The following YWHAQ variants were observed in gnomAD, a reference collection of about 807,000 sequenced individuals.
YWHAQ encodes 14-3-3 protein theta.
A neutral mutation model predicts 28.3 loss-of-function variants in YWHAQ; 6 were observed. The observed-to-expected ratio is 0.21, with a 90% CI of 0.12 to 0.42. The LOEUF (loss-of-function observed/expected upper bound fraction) is 0.42, where lower values mean the gene tolerates loss of function less well. Ranked by LOEUF, YWHAQ falls within the 10% of genes least tolerant of loss-of-function variation. The probability of loss-of-function intolerance (pLI) is 1.00; values close to 1 mark genes in which losing one functional copy is unlikely to be tolerated. For missense variants in YWHAQ, 201 were observed against 305.6 expected, an observed-to-expected ratio of 0.66 and a Z score of 2.55; for synonymous variants, 143 against 119.1, an observed-to-expected ratio of 1.20 and a Z score of -1.31.
intron 2 of YWHAQ, among the ~76,000 whole-genome samples, chr2:9,629,871 A>G (rs894533232): frequency 9.2e-5 from 14 of 152,318 alleles, no homozygotes; most frequent in African/African-American, 3.4e-4. Context: ...CAAGAAACTT[A>G]AAAACGCCTT....
chr2:9,608,899 C>T (rs1666890244), intron 2 of YWHAQ, among the ~76,000 whole-genome samples: 1 of 152,100 alleles, frequency 6.6e-6, no homozygotes, highest in South Asian at 2.1e-4. Context: ...TGAGATTGTA[C>T]CACTGCACTC....
chr2:9,623,593 G>A (rs1264287410), intron 2 of YWHAQ, among the ~76,000 whole-genome samples: 1 of 152,082 alleles, frequency 6.6e-6, no homozygotes, highest in East Asian at 1.9e-4. Context: ...GACCAACACG[G>A]AGAAACCTCG....
intron 2 of YWHAQ, among the ~76,000 whole-genome samples, chr2:9,610,127 TATTG>T (rs1202734109): frequency 1.3e-5 from 2 of 152,208 alleles, no homozygotes; most frequent in African/African-American, 4.8e-5. Context: ...ACAACTGAAG[TATTG>T]ATTATTTGCT....
chr2:9,617,122 G>T (rs897260649), intron 2 of YWHAQ, among the ~76,000 whole-genome samples: 1 of 146,518 alleles, frequency 6.8e-6, no homozygotes, highest in African/African-American at 2.5e-5. Flanking sequence ...CACTACGCCC[G>T]GCTAATTTTT....
intron 2 of YWHAQ, among the ~76,000 whole-genome samples, chr2:9,624,562 C>A (rs998938683): frequency 6.6e-6 from 1 of 152,054 alleles, no homozygotes; most frequent in Non-Finnish European, 1.5e-5. Flanking sequence ...GTCCTGTGCA[C>A]CGCATGATGT....
chr2:9,591,482 T>G lies in YWHAQ; in HGVS notation c.328A>C (p.Thr110Pro). The G allele has an allele frequency of 6.2e-7, 1 of 1,610,770 alleles. No individual in the cohort carries two copies. The highest frequency in any genetic ancestry group is 1.1e-5 in the South Asian group (1 of 90,808). ...TAGAAGACCTTACTCTCTGGATTAG[T>G]TGCATTGGCTATTAAATATTTATCC... is the stretch of plus-strand genomic sequence containing the variant. ...LLDKYLIANA[T>P]NPESKVFYLK... is the part of the protein sequence containing the mutation. Residue 110 changes from threonine to proline, a missense_variant, in exon 3 of 6, where the codon ACT (threonine) becomes CCT (proline). Coordinates refer to ENST00000238081, the MANE Select transcript of YWHAQ (RefSeq NM_006826.4).
intron 2 of YWHAQ, among the ~76,000 whole-genome samples, chr2:9,607,711 CTT>C (rs34963513): frequency 2.1e-4 from 27 of 128,602 alleles, no homozygotes; most frequent in East Asian, 2.1e-4. Flanking sequence ...AATTCTTCCT[CTT>C]TTTTTTTTTT....
rs746966183 is a variant in YWHAQ at position 9,630,263 on chromosome 2, T to C, written c.190A>G (p.Ser64Gly). ...GAGGTGTCGGTCTTCTGCTCGATGC[T>C]AGAGATGACCCTCCAGGCGGACCTG... ...GRRSAWRVIS[S>G]IEQKTDTSDK... The change falls in exon 2 of 6, where the codon AGC becomes GGC. Residue 64 changes from serine to glycine, a missense_variant. Transcript: ENST00000238081. This position sits in a 1 kb window ranked among gnomAD's most constrained non-coding sequence, Gnocchi z 5.6. 73 of 1,614,052 alleles carry C rather than the reference T, an allele frequency of 4.5e-5. No individual in the cohort carries two copies. The highest frequency in any genetic ancestry group is 5.9e-5 in the Non-Finnish European group (70 of 1,180,046).
At chr2:9,620,362 T>G (rs1317395842) in intron 2 of YWHAQ, among the ~76,000 whole-genome samples, 2 of 152,228 alleles carry the variant, frequency 1.3e-5, no homozygotes, top group African/African-American at 4.8e-5. Context: ...CTCATCTGGA[T>G]AGAAAAACAT....
chr2:9,630,516 G>A lies in YWHAQ; in HGVS notation c.-64C>T, dbSNP rs561528893. On this transcript the variant is annotated 5_prime_UTR_variant, in exon 2 of 6. Transcript: ENST00000238081. The surrounding 1 kb of genome is among the most constrained non-coding windows in gnomAD (Gnocchi z 5.6). ...GAGCGAGGGCGAGCGCCGACCCGCA[G>A]CGGGAGGAGCCTCGAGAGCTGCGGA... 167 of 1,448,602 alleles carry A rather than the reference G, an allele frequency of 1.2e-4. No individual in the cohort carries two copies. The African/African-American group carries it at 2.0e-3, about 17-fold the overall frequency. 89.7% of individuals were successfully genotyped at this position (1,448,602 alleles called of 1,614,324 possible).
intron 2 of YWHAQ, among the ~76,000 whole-genome samples, chr2:9,608,181 C>T (rs896809803): frequency 6.6e-6 from 1 of 152,118 alleles, no homozygotes; most frequent in African/African-American, 2.4e-5. Flanking sequence ...CGGAGAATAC[C>T]TCCCTCTTCT....
chr2:9,605,537 T>C (rs1435230370), intron 2 of YWHAQ, among the ~76,000 whole-genome samples: 1 of 152,182 alleles, frequency 6.6e-6, no homozygotes, highest in African/African-American at 2.4e-5. Flanking sequence ...CATCATTTAC[T>C]AGTTTCTTGT....
chr2:9,588,632 G>A (rs1193559934), intron 3 of YWHAQ, among the ~76,000 whole-genome samples: 9 of 152,134 alleles, frequency 5.9e-5, no homozygotes, highest in East Asian at 1.9e-4. Context: ...TTAGCCAGGC[G>A]TGATGGCGGG....
Position 9,587,389 on chromosome 2 carries a change from AAAATT to A in YWHAQ, c.678+20_678+24del, listed in dbSNP as rs1283258081. ...ATACTTTTGTTTCTGAAAAGAAAAT[AAAATT>A]AAAAGAGTAAACAACTCACTGTTAG... On this transcript the variant is annotated intron_variant, in intron 5 of 5. Coordinates refer to ENST00000238081, the MANE Select transcript of YWHAQ (RefSeq NM_006826.4). The A allele has an allele frequency of 1.9e-6, 3 of 1,574,810 alleles. No individual in the cohort carries two copies.
intron 2 of YWHAQ, among the ~76,000 whole-genome samples, chr2:9,602,968 C>A (rs891066898): frequency 3.4e-4 from 48 of 142,124 alleles, no homozygotes; most frequent in Non-Finnish European, 6.9e-4. Flanking sequence ...AGTGATCCTC[C>A]TGCTTCGGCC....
intron 2 of YWHAQ, among the ~76,000 whole-genome samples, chr2:9,612,451 C>T (rs1336214188): frequency 6.6e-6 from 1 of 152,182 alleles, no homozygotes; most frequent in Non-Finnish European, 1.5e-5. Flanking sequence ...AGATATTGAT[C>T]CCCTTAGTAA....
chr2:9,624,932 T>C (rs1667219246), intron 2 of YWHAQ, among the ~76,000 whole-genome samples: 1 of 151,744 alleles, frequency 6.6e-6, no homozygotes, highest in Non-Finnish European at 1.5e-5. Context: ...TTAGTAGAGA[T>C]GGGGTTTTAT....
chr2:9,592,617 C>A (rs1303233516), intron 2 of YWHAQ, among the ~76,000 whole-genome samples: 3 of 151,958 alleles, frequency 2.0e-5, no homozygotes, highest in African/African-American at 7.3e-5. Flanking sequence ...CCCAGCTACT[C>A]AGGAGGCTGA....
At chr2:9,602,870 T>A (rs1214958996) in intron 2 of YWHAQ, among the ~76,000 whole-genome samples, 13 of 15,008 alleles carry the variant, frequency 8.7e-4, no homozygotes, top group East Asian at 1.3e-3. Flanking sequence ...AAAATATATA[T>A]ATATATATAT....
Sources: allele counts gnomAD v4.1 joint callset (sites outside exome capture counted in the v4.1 genomes callset), GRCh38; gene constraint gnomAD v4.1.1; non-coding constraint Gnocchi (gnomAD v3.1); transcripts MANE v1.5; gene names NCBI Gene and HGNC (gene_info 2026-07-23, HGNC 2026-07-21).